The following FMN1 variants were observed in gnomAD, a reference collection of about 807,000 sequenced individuals.
The protein encoded by FMN1 is formin 1.
A neutral mutation model predicts 132.4 loss-of-function variants in FMN1; 110 were observed. That is an observed-to-expected ratio of 0.83 (90% CI 0.71 to 0.97). The LOEUF (loss-of-function observed/expected upper bound fraction) is 0.97. Ranked by LOEUF, FMN1 falls within the 50% of genes least tolerant of loss-of-function variation. The pLI, the probability that FMN1 is intolerant of heterozygous loss-of-function variation, is 0.00. For synonymous variants in FMN1, 722 were observed against 651.7 expected (o/e 1.11, Z -1.64); for missense variants, 1,792 against 1,705.3 (o/e 1.05, Z -0.90).
chr15:32,781,617 T>G (rs2056666845), intron 19 of FMN1, among the ~76,000 whole-genome samples: 1 of 152,210 alleles, frequency 6.6e-6, no homozygotes, highest in Admixed American at 6.5e-5. Flanking sequence ...ATTCAAAATC[T>G]TATGCTTTTG....
chr15:33,116,078 A>G (rs2039912784), intron 4 of FMN1, among the ~76,000 whole-genome samples: 1 of 152,164 alleles, frequency 6.6e-6, no homozygotes, highest in South Asian at 2.1e-4. Flanking sequence ...AGATCCAACT[A>G]TAAAAAGACA....
intron 17 of FMN1, among the ~76,000 whole-genome samples, chr15:32,854,865 G>A (rs1325236193): frequency 6.6e-6 from 1 of 150,974 alleles, no homozygotes; most frequent in East Asian, 1.9e-4. Context: ...AGTGAGCCGA[G>A]ATCGCACCAC....
chr15:33,138,146 A>G (rs1359977545), intron 4 of FMN1, among the ~76,000 whole-genome samples: 4 of 152,228 alleles, frequency 2.6e-5, no homozygotes, highest in African/African-American at 2.4e-5. Flanking sequence ...GCTATGACAC[A>G]GGACAACGAA....
intron 6 of FMN1, among the ~76,000 whole-genome samples, chr15:33,019,064 C>CG (rs1253440949): frequency 6.6e-6 from 1 of 152,186 alleles, no homozygotes; most frequent in East Asian, 1.9e-4. Flanking sequence ...CTGCTGGCTC[C>CG]GGCAGCCTGC....
chr15:32,894,435 G>A (rs2060105368), intron 15 of FMN1, among the ~76,000 whole-genome samples: 1 of 150,752 alleles, frequency 6.6e-6, no homozygotes, highest in Non-Finnish European at 1.5e-5. Flanking sequence ...AGTGAGCCAA[G>A]ATTGCACCAC....
At chr15:33,038,347 C>T (rs1298746000) in intron 6 of FMN1, among the ~76,000 whole-genome samples, 1 of 152,188 alleles carries the variant, frequency 6.6e-6, no homozygotes, top group African/African-American at 2.4e-5. Context: ...AATGGTGTGA[C>T]CTAATTTGGA....
chr15:33,094,015 C>A (rs1325745377), intron 4 of FMN1, among the ~76,000 whole-genome samples: 1 of 152,162 alleles, frequency 6.6e-6, no homozygotes, highest in Non-Finnish European at 1.5e-5. Context: ...AAAGGCAGAA[C>A]TAAAATCTAA....
At chr15:33,072,026 G>GACA (rs1326151778) in intron 5 of FMN1, among the ~76,000 whole-genome samples, 1 of 151,998 alleles carries the variant, frequency 6.6e-6, no homozygotes, top group Non-Finnish European at 1.5e-5. Context: ...TTAACCTCAA[G>GACA]ACAAACTCTC....
chr15:33,008,490 ACT>A (rs1166199063), intron 6 of FMN1, among the ~76,000 whole-genome samples: 5 of 151,416 alleles, frequency 3.3e-5, no homozygotes, highest in South Asian at 2.1e-4. Context: ...TCTATTTTTA[ACT>A]CTGTTTCAAA....
In FMN1 at chr15:33,030,788, T is replaced by C. The variant is rs2035899730; in HGVS notation, c.2162-22713A>G. Among the ~76,000 whole-genome samples, 3 of 152,320 alleles carry C rather than the reference T, an allele frequency of 2.0e-5. 1 individual carries two copies. The highest frequency in any genetic ancestry group is 6.8e-3 in the Middle Eastern group (2 of 294). On this transcript the variant is annotated intron_variant, in intron 6 of 20. Coordinates refer to ENST00000616417, the MANE Select transcript of FMN1 (RefSeq NM_001277313.2). ...TGTGTATTATACATTAGATAAAATA[T>C]ATAAACTCAAATAATCTATATAAAC...
chr15:32,981,285 A>AT (rs2032636408), intron 7 of FMN1, among the ~76,000 whole-genome samples: 1 of 151,814 alleles, frequency 6.6e-6, no homozygotes, highest in Non-Finnish European at 1.5e-5. Flanking sequence ...AGGTCAGGAG[A>AT]TTGAGACCAT....
At chr15:33,066,727 T>C in intron 5 of FMN1, 5 of 1,613,802 alleles carry the variant, frequency 3.1e-6, no homozygotes, top group African/African-American at 1.3e-5. Context: ...CCTGGGTTTG[T>C]GGTACTCCAG....
At chr15:32,798,777 G>A (rs1399315825) in intron 19 of FMN1, 27 bp downstream of exon 19, 5 of 1,590,602 alleles carry the variant, frequency 3.1e-6, no homozygotes, top group South Asian at 1.1e-5. Flanking sequence ...CCTGAAGGAG[G>A]CATTAAAATC....
chr15:32,848,163 G>A (rs187997231), intron 17 of FMN1, among the ~76,000 whole-genome samples: 1 of 152,198 alleles, frequency 6.6e-6, no homozygotes, highest in Non-Finnish European at 1.5e-5. Context: ...ACATATTAGA[G>A]GCCTCTTCTT....
chr15:33,094,349 T>C (rs906882127), intron 4 of FMN1, among the ~76,000 whole-genome samples: 4 of 152,204 alleles, frequency 2.6e-5, no homozygotes, highest in Admixed American at 2.6e-4. Context: ...TAATTTCCTG[T>C]TTTAAGTAAA....
intron 16 of FMN1, among the ~76,000 whole-genome samples, chr15:32,863,281 C>CA (rs552297084): frequency 0.016 from 2,386 of 152,096 alleles, 52 homozygotes; most frequent in African/African-American, 0.055. Flanking sequence ...ACTAAAAATA[C>CA]AAAAAATTAG....
chr15:32,953,446 G>A (rs771395512), intron 9 of FMN1, among the ~76,000 whole-genome samples: 4 of 152,176 alleles, frequency 2.6e-5, no homozygotes, highest in Non-Finnish European at 5.9e-5. Context: ...ATGGTCTCAG[G>A]TTTCCTTTGC....
chr15:32,820,794 C>A (rs561154893), intron 17 of FMN1, among the ~76,000 whole-genome samples: 4 of 152,138 alleles, frequency 2.6e-5, no homozygotes, highest in African/African-American at 9.6e-5. Context: ...TGGTACCAAC[C>A]CTTGGTTAAA....
intron 9 of FMN1, among the ~76,000 whole-genome samples, chr15:32,927,792 A>G (rs1416716603): frequency 6.6e-6 from 1 of 152,186 alleles, no homozygotes; most frequent in African/African-American, 2.4e-5. Context: ...AATAAAAGAG[A>G]AGCACCCACA....
Sources: gnomAD v4.1 joint callset for allele counts (sites outside exome capture counted in the v4.1 genomes callset) on GRCh38, gnomAD v4.1.1 for gene constraint, MANE v1.5 for transcripts, NCBI Gene and HGNC (gene_info 2026-07-23, HGNC 2026-07-21) for gene names.